IGSF10: variants seen among roughly 807,000 people sequenced by gnomAD.
The protein encoded by IGSF10 is calvaria mechanical force protein 608.
A neutral mutation model predicts 128.2 loss-of-function variants in IGSF10; 126 were observed. That is an observed-to-expected ratio of 0.98 (90% CI 0.85 to 1.14). The LOEUF is 1.14. IGSF10 is among the 50% of genes most tolerant of loss of function. The pLI is 0.00. For synonymous variants in IGSF10, 1,185 were observed against 1,146.2 expected, an observed-to-expected ratio of 1.03 and a Z score of -0.68; for missense variants, 3,295 against 3,149.8, an observed-to-expected ratio of 1.05 and a Z score of -1.10.
At chr3:151,554,894 A>T in the IGSF10 span, among the ~76,000 whole-genome samples, 1 of 152,146 alleles carries the variant, frequency 6.6e-6, no homozygotes, top group Non-Finnish European at 1.5e-5. Flanking sequence ...GATCTGTGGG[A>T]AATACTAAAT....
the IGSF10 span, among the ~76,000 whole-genome samples, chr3:151,514,829 A>G: frequency 2.0e-5 from 3 of 152,234 alleles, no homozygotes; most frequent in African/African-American, 7.2e-5. Flanking sequence ...ACACTTCTCA[A>G]AAGAAGACAT....
At position 151,437,789 on chromosome 3, in the gene IGSF10, G is replaced by GTTTT. The variant is rs754584576; in HGVS notation, c.6768_6771dup (p.His2258LysfsTer4). 3.1e-6 allele frequency: 5 copies of GTTTT among 1,613,668 alleles called. No homozygotes were observed. In the African/African-American group the frequency reaches 6.7e-5, roughly 22 times the overall value. On this transcript the variant is annotated frameshift_variant, in exon 8 of 8. Coordinates refer to ENST00000282466, the MANE Select transcript of IGSF10 (RefSeq NM_178822.5). LOFTEE classifies it low-confidence loss of function (END_TRUNC). The stretch of plus-strand genomic sequence containing the variant: ...GTCCCTTCAGCTCTGCAGTCAAAGT[G>GTTTT]TTTTTTGGAATGTCTCACAGCTGTG...
chr3:151,592,737 A>C, the IGSF10 span, among the ~76,000 whole-genome samples: 1 of 152,116 alleles, frequency 6.6e-6, no homozygotes, highest in Non-Finnish European at 1.5e-5. Context: ...GAGACCTATA[A>C]ATTTAAAGTA....
At chr3:151,522,651 A>G in the IGSF10 span, among the ~76,000 whole-genome samples, 46 of 152,134 alleles carry the variant, frequency 3.0e-4, no homozygotes, top group African/African-American at 9.9e-4. Context: ...ACTTAATGTT[A>G]AAAACTTTCA....
At chr3:151,463,709 G>A (rs1326625776), upstream of IGSF10, among the ~76,000 whole-genome samples, 1 of 151,812 alleles carries the variant, frequency 6.6e-6, no homozygotes, top group East Asian at 1.9e-4. Context: ...ACCATGGCTG[G>A]GCGCAGTGGC....
chr3:151,461,966 A>C (rs1318037496), upstream of IGSF10, among the ~76,000 whole-genome samples: 2 of 152,090 alleles, frequency 1.3e-5, no homozygotes, highest in Non-Finnish European at 2.9e-5. Context: ...GTCTCAGAGG[A>C]ATTCTTTTAA....
chr3:151,598,070 GGTGTGTGT>G, the IGSF10 span, among the ~76,000 whole-genome samples: 2,275 of 137,746 alleles, frequency 0.017, 59 homozygotes, highest in African/African-American at 0.057. Flanking sequence ...AATGAGTACT[GGTGTGTGT>G]GTGTGTGTGT....
At chr3:151,588,534 A>G in the IGSF10 span, among the ~76,000 whole-genome samples, 3 of 152,234 alleles carry the variant, frequency 2.0e-5, no homozygotes, top group Admixed American at 6.5e-5. Flanking sequence ...ATATTTTTGT[A>G]TAATTTCAGG....
the IGSF10 span, among the ~76,000 whole-genome samples, chr3:151,519,270 C>T: frequency 6.6e-6 from 1 of 151,796 alleles, no homozygotes; most frequent in Non-Finnish European, 1.5e-5. Context: ...CCCAGAGGCA[C>T]ATTTTTCTGT....
chr3:151,446,810 T>C lies in IGSF10; in HGVS notation c.3171A>G (p.Thr1057=). The C allele has an allele frequency of 1.9e-6, 3 of 1,614,158 alleles. No homozygotes were observed. Among genetic ancestry groups the C allele is most frequent in the East Asian group, 2.2e-5 (1 of 44,878 alleles). The change falls in exon 6 of 8, where the codon ACA becomes ACG. Residue 1057 remains threonine (T), a synonymous_variant. Coordinates refer to ENST00000282466, the MANE Select transcript of IGSF10 (RefSeq NM_178822.5). The stretch of plus-strand genomic sequence containing the variant: ...AGGACAGACATGTCACATTGAGCAC[T>C]GTGGCTGAGAATGCAGTAGTGCTTT... The part of the protein sequence containing the change: ...SEKSTTAFSA[T]VLNVTCLSCL...
At chr3:151,534,482 T>C in the IGSF10 span, among the ~76,000 whole-genome samples, 1 of 152,004 alleles carries the variant, frequency 6.6e-6, no homozygotes, top group Non-Finnish European at 1.5e-5. Context: ...CCATAAAAAA[T>C]GATGAGTTCA....
chr3:151,547,427 TATAC>T, the IGSF10 span, among the ~76,000 whole-genome samples: 45 of 140,756 alleles, frequency 3.2e-4, 1 homozygote, highest in Admixed American at 1.9e-3. Context: ...TAAATATATA[TATAC>T]ACACACACAC....
chr3:151,563,813 A>C, the IGSF10 span, among the ~76,000 whole-genome samples: 1 of 152,214 alleles, frequency 6.6e-6, no homozygotes, highest in Admixed American at 6.6e-5. Flanking sequence ...AGGGCTTACT[A>C]TATGCTAGGC....
At chr3:151,438,854 A>G (rs1720651370) in intron 7 of IGSF10, among the ~76,000 whole-genome samples, 2 of 75,646 alleles carry the variant, frequency 2.6e-5, no homozygotes, top group Non-Finnish European at 6.8e-5. Flanking sequence ...ATTTTGAGGT[A>G]TATATATATA....
the IGSF10 span, among the ~76,000 whole-genome samples, chr3:151,480,632 C>G: frequency 6.6e-6 from 1 of 151,980 alleles, no homozygotes; most frequent in African/African-American, 2.4e-5. Context: ...TGAGGCTCGG[C>G]TGCCACTGCA....
At chr3:151,452,640 T>A (rs981458711) in intron 5 of IGSF10, among the ~76,000 whole-genome samples, 5 of 152,178 alleles carry the variant, frequency 3.3e-5, no homozygotes, top group Non-Finnish European at 7.3e-5. Flanking sequence ...AATGCATATA[T>A]GATGTGTTTT....
chr3:151,523,906 T>A, the IGSF10 span, among the ~76,000 whole-genome samples: 1 of 152,092 alleles, frequency 6.6e-6, no homozygotes, highest in African/African-American at 2.4e-5. Flanking sequence ...GTAAACCTTG[T>A]ATCTGACAAA....
chr3:151,568,980 C>T, the IGSF10 span, among the ~76,000 whole-genome samples: 3,854 of 152,280 alleles, frequency 0.025, 95 homozygotes, highest in East Asian at 0.13. Flanking sequence ...AGAAGAATAA[C>T]GGAGGAGTAT....
chr3:151,527,909 T>G, the IGSF10 span, among the ~76,000 whole-genome samples: 12 of 152,116 alleles, frequency 7.9e-5, no homozygotes, highest in Admixed American at 7.9e-4. Flanking sequence ...GCTGTGTTCA[T>G]GTCACTATAC....
Sources: gnomAD v4.1 joint callset for allele counts (sites outside exome capture counted in the v4.1 genomes callset) on GRCh38, gnomAD v4.1.1 for gene constraint, MANE v1.5 for transcripts, NCBI Gene and HGNC (gene_info 2026-07-23, HGNC 2026-07-21) for gene names.